LRRC49: variants seen among roughly 807,000 people sequenced by gnomAD.
The protein encoded by LRRC49 is leucine rich repeat containing 49, also known as leucine-rich repeat-containing protein 49.
A neutral mutation model predicts 83.3 loss-of-function variants in LRRC49; 50 were observed. The ratio of observed to expected loss-of-function variants is 0.60; its 90% CI spans 0.48 to 0.76. The LOEUF is 0.76. LRRC49 is among the 30% of genes least tolerant of loss of function. LRRC49 has a pLI of 0.00. For synonymous variants in LRRC49, 286 were observed against 283.3 expected (o/e 1.01, Z -0.10); for missense variants, 704 against 809.1 (o/e 0.87, Z 1.58).
chr15:70,862,197 C>T (rs1045097466), intron 1 of LRRC49, among the ~76,000 whole-genome samples: 4 of 152,168 alleles, frequency 2.6e-5, no homozygotes, highest in Admixed American at 1.3e-4. Flanking sequence ...AATGCTTCTC[C>T]CTGATCAGGG....
chr15:70,922,740 T>C lies in LRRC49; in HGVS notation c.711+3547T>C, dbSNP rs547009834. 2.0e-5 allele frequency among the ~76,000 whole-genome samples: 3 copies of C among 152,184 alleles called. No homozygotes were observed. In the South Asian group the frequency reaches 6.2e-4, roughly 32 times the overall value. ...TACGCCGTTGTCCATGATGTGCTTA[T>C]TACACATTGCATGCCTGTATCAAAA... is the stretch of plus-strand genomic sequence containing the variant. On this transcript the variant is annotated intron_variant, in intron 7 of 15. Coordinates refer to ENST00000260382, the MANE Select transcript of LRRC49 (RefSeq NM_017691.5).
intron 11 of LRRC49, 38 bp downstream of exon 11, chr15:70,984,295 G>C: frequency 6.7e-7 from 1 of 1,497,968 alleles, no homozygotes; most frequent in Non-Finnish European, 9.0e-7. Flanking sequence ...AAGCATCTTT[G>C]ATAATTGAAT....
At chr15:71,002,668 C>T (rs2038302311) in intron 11 of LRRC49, among the ~76,000 whole-genome samples, 1 of 151,960 alleles carries the variant, frequency 6.6e-6, no homozygotes, top group Non-Finnish European at 1.5e-5. Context: ...AATAGAAATT[C>T]ATAAAATAAA....
At chr15:70,856,721 G>C (rs2032663300) in intron 1 of LRRC49, among the ~76,000 whole-genome samples, 1 of 152,150 alleles carries the variant, frequency 6.6e-6, no homozygotes, top group Non-Finnish European at 1.5e-5. Context: ...TTTGCAATGA[G>C]GAGAGTGAGT....
intron 15 of LRRC49, among the ~76,000 whole-genome samples, chr15:71,047,789 T>C (rs1389926375): frequency 1.3e-5 from 2 of 152,304 alleles, no homozygotes; most frequent in East Asian, 1.9e-4. Flanking sequence ...TTTTGTTTTG[T>C]TTTTTGAGAC....
intron 14 of LRRC49, among the ~76,000 whole-genome samples, chr15:71,029,514 G>A (rs1010741425): frequency 6.6e-6 from 1 of 152,070 alleles, no homozygotes. Context: ...GGGGTGGAGA[G>A]TTCTGTGGAT....
chr15:71,048,813 C>G, intron 15 of LRRC49: 1 of 455,982 alleles, frequency 2.2e-6, no homozygotes, highest in Non-Finnish European at 4.4e-6. Context: ...GAGTGGGAGA[C>G]CTGTTTCTTT....
intron 8 of LRRC49, among the ~76,000 whole-genome samples, chr15:70,951,769 T>G (rs2036225337): frequency 6.6e-6 from 1 of 152,166 alleles, no homozygotes; most frequent in Admixed American, 6.5e-5. Flanking sequence ...TCTTGCCTGA[T>G]AGCTCTGGTT....
At chr15:70,926,898 C>T (rs1415740319) in intron 7 of LRRC49, among the ~76,000 whole-genome samples, 1 of 152,170 alleles carries the variant, frequency 6.6e-6, no homozygotes, top group Admixed American at 6.5e-5. Context: ...AAAAAACAAA[C>T]AACCCCACCA....
At chr15:71,024,763 T>G (rs2039108188) in intron 14 of LRRC49, among the ~76,000 whole-genome samples, 1 of 151,694 alleles carries the variant, frequency 6.6e-6, no homozygotes, top group African/African-American at 2.4e-5. Flanking sequence ...GAAGGCTGAT[T>G]TGGATGAATT....
intron 8 of LRRC49, among the ~76,000 whole-genome samples, chr15:70,954,110 G>T (rs1367468608): frequency 1.3e-5 from 2 of 152,130 alleles, no homozygotes; most frequent in Admixed American, 1.3e-4. Context: ...GGACAGGCTG[G>T]TCTCAAACTC....
chr15:70,949,805 G>C (rs1332367996), intron 8 of LRRC49, among the ~76,000 whole-genome samples: 1 of 151,986 alleles, frequency 6.6e-6, no homozygotes, highest in Non-Finnish European at 1.5e-5. Flanking sequence ...TTTATATTTT[G>C]TTTTTATTTA....
intron 5 of LRRC49, among the ~76,000 whole-genome samples, chr15:70,906,617 TC>T (rs2034325320): frequency 2.0e-5 from 3 of 152,274 alleles, no homozygotes; most frequent in Admixed American, 2.0e-4. Flanking sequence ...TTTGTACTTT[TC>T]AGCTTCTCTG....
chr15:70,947,129 T>G (rs1267098504), intron 8 of LRRC49, among the ~76,000 whole-genome samples: 1 of 152,206 alleles, frequency 6.6e-6, no homozygotes, highest in Non-Finnish European at 1.5e-5. Context: ...CAAAATGACC[T>G]ACTTCAGGGA....
intron 5 of LRRC49, chr15:70,907,494 C>T (rs1243133901): frequency 6.5e-6 from 1 of 153,804 alleles, no homozygotes; most frequent in African/African-American, 2.4e-5. Context: ...TTATCCTCTC[C>T]AGGTCCTCTG....
intron 14 of LRRC49, among the ~76,000 whole-genome samples, chr15:71,021,344 T>A (rs1316668703): frequency 6.6e-6 from 1 of 152,334 alleles, no homozygotes; most frequent in East Asian, 1.9e-4. Context: ...GGGTTAATGT[T>A]GTTCATGTTG....
intron 9 of LRRC49, among the ~76,000 whole-genome samples, chr15:70,967,185 G>A (rs1373619559): frequency 6.6e-6 from 1 of 152,092 alleles, no homozygotes; most frequent in East Asian, 1.9e-4. Context: ...AGCATTGAGT[G>A]TACATGGCTG....
rs1312975230 is a variant in LRRC49 at position 71,050,601 on chromosome 15, A to C, written c.*989A>C. ...TTTGCTTAGATTTTACCTAGCAGCT[A>C]TTATGTCAGCAGGACCACCAGGATA... is the stretch of plus-strand genomic sequence containing the variant. On this transcript the variant is annotated 3_prime_UTR_variant, in exon 16 of 16. Transcript: ENST00000260382. 1 of 152,186 alleles carries C rather than the reference A, an allele frequency of 6.6e-6. No homozygotes were observed. Among genetic ancestry groups the C allele is most frequent in the African/African-American group, 2.4e-5 (1 of 41,448 alleles). The allele number at this position is 152,186 out of a possible 1,614,324, so 9.4% of individuals were successfully genotyped here.
chr15:70,857,577 A>G (rs1207520663), intron 1 of LRRC49, among the ~76,000 whole-genome samples: 4 of 152,214 alleles, frequency 2.6e-5, no homozygotes, highest in African/African-American at 9.6e-5. Flanking sequence ...TTGTTTAAGC[A>G]TGTCCCAAAT....
Sources: gnomAD v4.1 joint callset for allele counts (sites outside exome capture counted in the v4.1 genomes callset) on GRCh38, gnomAD v4.1.1 for gene constraint, MANE v1.5 for transcripts, NCBI Gene and HGNC (gene_info 2026-07-23, HGNC 2026-07-21) for gene names.